The following FAM50B variants were observed in gnomAD, a reference collection of about 807,000 sequenced individuals.
The protein encoded by FAM50B is protein FAM50B.
FAM50B carries 9 observed loss-of-function variants against 25.4 expected under a neutral mutation model. The ratio of observed to expected loss-of-function variants is 0.35; its 90% CI spans 0.21 to 0.62. FAM50B has a LOEUF of 0.62. Ranked by LOEUF, FAM50B falls within the 20% of genes least tolerant of loss-of-function variation. FAM50B has a pLI of 0.73. For missense variants in FAM50B, 372 were observed against 477.9 expected, an observed-to-expected ratio of 0.78 and a Z score of 2.07; for synonymous variants, 212 against 204.3, an observed-to-expected ratio of 1.04 and a Z score of -0.32.
In FAM50B at chr6:3,849,913, C is replaced by T. The variant is rs1321827285; in HGVS notation, c.102C>T (p.Arg34=). The T allele has an allele frequency of 2.5e-6, 4 of 1,613,650 alleles. No individual in the cohort carries two copies. The highest frequency in any genetic ancestry group is 3.4e-6 in the Non-Finnish European group (4 of 1,179,942). ...AGCAGATGGAGGTGCTGAAGCAGCG[C>T]ATCGCCGAGGAGACCATCCTCAAGT... ...QREQMEVLKQ[R]IAEETILKSQ... is the part of the protein sequence containing the mutation. The change falls in exon 2 of 2, where the codon CGC becomes CGT. Residue 34 remains arginine (R), a synonymous_variant. Transcript: ENST00000648326.
At chr6:3,844,639 C>T (rs1477745266), upstream of FAM50B, among the ~76,000 whole-genome samples, 4 of 151,862 alleles carry the variant, frequency 2.6e-5, no homozygotes, top group East Asian at 5.8e-4. Flanking sequence ...TGAACCCAGC[C>T]GGCGGAGGTT....
Position 3,850,686 on chromosome 6 carries a change from TG to T in FAM50B, c.877del (p.Val293CysfsTer51). 1 of 1,613,660 alleles carries T rather than the reference TG, an allele frequency of 6.2e-7. No individual in the cohort carries two copies. The highest frequency in any genetic ancestry group is 1.3e-5 in the African/African-American group (1 of 74,906). ...AAGGACGAGTCGCACGCGGGCAAGG[TG>T]GTGCTGCGCAGCTGGTACGAGAAGA... The part of the protein sequence containing the change: ...MEKDESHAGK[V>X]VLRSWYEKNK... On this transcript the variant is annotated frameshift_variant, in exon 2 of 2. Transcript: ENST00000648326. LOFTEE classifies it high-confidence loss of function.
At chr6:3,845,202 A>T, upstream of FAM50B, among the ~76,000 whole-genome samples, 1 of 152,212 alleles carries the variant, frequency 6.6e-6, no homozygotes, top group East Asian at 1.9e-4. Flanking sequence ...ACAGAACAGT[A>T]TATCAGACTT....
the FAM50B span, among the ~76,000 whole-genome samples, chr6:3,835,423 C>CCTTTGGACTTGA: frequency 6.6e-6 from 1 of 152,192 alleles, no homozygotes; most frequent in Non-Finnish European, 1.5e-5. Context: ...CCTCCTCTGC[C>CCTTTGGACTTGA]CTTTGGACTT....
chr6:3,835,548 G>T, the FAM50B span, among the ~76,000 whole-genome samples: 4 of 152,194 alleles, frequency 2.6e-5, no homozygotes, highest in Admixed American at 2.6e-4. Flanking sequence ...TTCCACCCCC[G>T]CCACAAGAAA....
the FAM50B span, among the ~76,000 whole-genome samples, chr6:3,834,359 CAAAAAA>C: frequency 4.0e-5 from 3 of 75,046 alleles, no homozygotes; most frequent in African/African-American, 1.3e-4. Flanking sequence ...TGATATATGG[CAAAAAA>C]AAAAAAAAAA....
At chr6:3,848,710 G>C (rs1762153334), upstream of FAM50B, among the ~76,000 whole-genome samples, 1 of 152,198 alleles carries the variant, frequency 6.6e-6, no homozygotes, top group Non-Finnish European at 1.5e-5. Flanking sequence ...GAGAGTTACA[G>C]TGGAAACTGG....
chr6:3,842,320 A>C, the FAM50B span, among the ~76,000 whole-genome samples: 1 of 152,188 alleles, frequency 6.6e-6, no homozygotes, highest in African/African-American at 2.4e-5. Context: ...AGCACTTTCC[A>C]AAAAAAGAAG....
rs1762201224 is a variant in FAM50B, at chr6:3,850,493, C to T, written c.682C>T (p.Arg228Cys). ...GCTGCGCAAGGACTTCCTGGAGCTG[C>T]GCTCCGCCGGCGTGGAGCAGCTCAT... ...QGLRKDFLELRSAGVEQLMFI... is the reference protein window; with the variant it reads ...QGLRKDFLELCSAGVEQLMFI... Residue 228 changes from arginine (R) to cysteine (C), a missense_variant, in exon 2 of 2, where the codon CGC becomes TGC. By Grantham distance (180) the Arg-to-Cys change is radical (BLOSUM62 -3). Coordinates refer to ENST00000648326, the MANE Select transcript of FAM50B (RefSeq NM_012135.3). 2 of 1,613,514 alleles carry T rather than the reference C, an allele frequency of 1.2e-6. No individual in the cohort carries two copies. Among genetic ancestry groups the T allele is most frequent in the Admixed American group, 1.7e-5 (1 of 60,014 alleles).
At chr6:3,845,925 G>A (rs887219618), upstream of FAM50B, among the ~76,000 whole-genome samples, 1 of 152,082 alleles carries the variant, frequency 6.6e-6, no homozygotes, top group Non-Finnish European at 1.5e-5. Context: ...GTTTCACCAT[G>A]TTGGCCAGGA....
the FAM50B span, among the ~76,000 whole-genome samples, chr6:3,840,032 G>A: frequency 6.6e-6 from 1 of 152,072 alleles, no homozygotes; most frequent in Non-Finnish European, 1.5e-5. Context: ...TCACTCTGTC[G>A]CCCAGGCTGG....
chr6:3,836,915 C>T, the FAM50B span, among the ~76,000 whole-genome samples: 1 of 152,192 alleles, frequency 6.6e-6, no homozygotes, highest in Non-Finnish European at 1.5e-5. Flanking sequence ...GGGTAATAAT[C>T]CTCTGCCTCC....
the FAM50B span, among the ~76,000 whole-genome samples, chr6:3,838,972 C>G: frequency 6.6e-6 from 1 of 151,018 alleles, no homozygotes; most frequent in Non-Finnish European, 1.5e-5. Context: ...TTAAAATGTA[C>G]ATATTGTATG....
At chr6:3,845,504 G>A (rs1257367188), upstream of FAM50B, among the ~76,000 whole-genome samples, 3 of 152,150 alleles carry the variant, frequency 2.0e-5, no homozygotes, top group Middle Eastern at 3.2e-3. Flanking sequence ...GAGGTGGAGA[G>A]GCTATCTTAT....
upstream of FAM50B, among the ~76,000 whole-genome samples, chr6:3,847,310 G>C (rs115985340): frequency 9.6e-4 from 146 of 152,270 alleles, no homozygotes; most frequent in African/African-American, 3.3e-3. Context: ...TATTGTTTAG[G>C]GTAGCCTCCG....
chr6:3,849,419 T>C lies in FAM50B; in HGVS notation c.-91T>C, dbSNP rs1762168372. 1.1e-5 allele frequency: 2 copies of C among 178,868 alleles called. No homozygotes were observed. The highest frequency in any genetic ancestry group is 2.3e-5 in the Non-Finnish European group (2 of 85,368). 11.1% of individuals were successfully genotyped at this position (178,868 alleles called of 1,614,324 possible). A position where few individuals can be genotyped will look rare whatever the true frequency, so the allele number is the denominator to read the frequency against. On this transcript the variant is annotated 5_prime_UTR_variant, in exon 1 of 2. Transcript: ENST00000648326. Reference sequence around the variant, plus strand: ...CGCGAGAGCCCGGGGCGAGTGGGCCTCTGCTCGTGGGTGGTTCTCGTGGAG... The same window carrying C: ...CGCGAGAGCCCGGGGCGAGTGGGCCCCTGCTCGTGGGTGGTTCTCGTGGAG...
chr6:3,836,792 A>T, the FAM50B span, among the ~76,000 whole-genome samples: 3 of 152,188 alleles, frequency 2.0e-5, no homozygotes, highest in African/African-American at 7.2e-5. Flanking sequence ...TATATTGCAC[A>T]TGTGGCCCAG....
chr6:3,844,843 T>C (rs1173150716), upstream of FAM50B, among the ~76,000 whole-genome samples: 1 of 152,238 alleles, frequency 6.6e-6, no homozygotes, highest in East Asian at 1.9e-4. Flanking sequence ...CTTGCAAACA[T>C]TAATAGTTAT....
the FAM50B span, among the ~76,000 whole-genome samples, chr6:3,834,716 A>G: frequency 6.6e-6 from 1 of 150,420 alleles, no homozygotes; most frequent in African/African-American, 2.5e-5. Context: ...ATGTTTAACA[A>G]TAAAAAACTG....
Sources: gnomAD v4.1 joint callset for allele counts (sites outside exome capture counted in the v4.1 genomes callset) on GRCh38, gnomAD v4.1.1 for gene constraint, MANE v1.5 for transcripts, NCBI Gene and HGNC (gene_info 2026-07-23, HGNC 2026-07-21) for gene names.